RBFOX2: variants seen among roughly 807,000 people sequenced by gnomAD.
RBFOX2 encodes the protein RNA binding protein fox-1 homolog 2.
Under a neutral mutation model 49.1 loss-of-function variants are expected in RBFOX2, and 10 were observed. The ratio of observed to expected loss-of-function variants is 0.20; its 90% confidence interval spans 0.13 to 0.35. The LOEUF is 0.35. Ranked by LOEUF, RBFOX2 falls within the 10% of genes least tolerant of loss-of-function variation. RBFOX2 has a pLI of 1.00. For missense variants in RBFOX2, 323 were observed against 486.9 expected (o/e 0.66, Z 3.17); for synonymous variants, 183 against 187.4 (o/e 0.98, Z 0.19).
At chr22:35,889,836 A>C (rs2047037310) in intron 1 of RBFOX2, among the ~76,000 whole-genome samples, 2 of 152,302 alleles carry the variant, frequency 1.3e-5, no homozygotes, top group South Asian at 2.1e-4. Context: ...AAAAGCACTA[A>C]ATGACTAACG....
intron 1 of RBFOX2, among the ~76,000 whole-genome samples, chr22:35,924,368 A>G (rs112834682): frequency 1.2e-4 from 19 of 152,242 alleles, no homozygotes; most frequent in African/African-American, 4.6e-4. Flanking sequence ...TAAGGGAACA[A>G]AGATCCTAAT....
At chr22:35,965,229 A>G (rs1167017307), upstream of RBFOX2, among the ~76,000 whole-genome samples, 1 of 152,224 alleles carries the variant, frequency 6.6e-6, no homozygotes, top group Non-Finnish European at 1.5e-5. Context: ...AGGGATGGTC[A>G]TAAGACAACA....
At chr22:35,762,004 C>T (rs1395814181) in intron 6 of RBFOX2, among the ~76,000 whole-genome samples, 3 of 152,058 alleles carry the variant, frequency 2.0e-5, no homozygotes, top group Non-Finnish European at 4.4e-5. Flanking sequence ...CTCGGATTTA[C>T]CATTGGGATT....
upstream of RBFOX2, among the ~76,000 whole-genome samples, chr22:35,962,323 T>C (rs2056279062): frequency 6.6e-6 from 1 of 152,182 alleles, no homozygotes; most frequent in Non-Finnish European, 1.5e-5. Context: ...TGGGTCCAAC[T>C]TTCCATCCAA....
chr22:35,821,602 C>CAA (rs1158936385), intron 1 of RBFOX2, among the ~76,000 whole-genome samples: 1,656 of 36,450 alleles, frequency 0.045, 348 homozygotes, highest in Non-Finnish European at 0.076. Context: ...ACTCCGTCTC[C>CAA]AAAAAAAAAA....
chr22:35,806,401 C>T (rs1950743087), intron 2 of RBFOX2, among the ~76,000 whole-genome samples: 2 of 151,800 alleles, frequency 1.3e-5, no homozygotes, highest in African/African-American at 4.8e-5. Flanking sequence ...GACAATAGCA[C>T]AAAGGCGCGT....
At chr22:35,922,029 T>A (rs544129894) in intron 1 of RBFOX2, among the ~76,000 whole-genome samples, 2 of 152,120 alleles carry the variant, frequency 1.3e-5, no homozygotes, top group Non-Finnish European at 2.9e-5. Context: ...CCTAAGCCCA[T>A]ATGTAGGCAA....
chr22:35,895,301 T>A (rs2047707808), intron 1 of RBFOX2, among the ~76,000 whole-genome samples: 1 of 152,188 alleles, frequency 6.6e-6, no homozygotes. Flanking sequence ...TAGATATACA[T>A]TAGTTTAAGA....
intron 1 of RBFOX2, among the ~76,000 whole-genome samples, chr22:35,959,283 T>A (rs1464209826): frequency 6.6e-6 from 1 of 152,182 alleles, no homozygotes; most frequent in Non-Finnish European, 1.5e-5. Flanking sequence ...GCCAAATAGC[T>A]AGTAAACAGT....
chr22:35,861,122 G>A (rs371526158), intron 1 of RBFOX2, among the ~76,000 whole-genome samples: 1 of 152,132 alleles, frequency 6.6e-6, no homozygotes, highest in East Asian at 1.9e-4. Context: ...GACACAACTG[G>A]ATGAAAAGAA....
intron 4 of RBFOX2, among the ~76,000 whole-genome samples, chr22:35,773,126 A>G (rs899203896): frequency 4.6e-5 from 7 of 151,776 alleles, no homozygotes. Flanking sequence ...AAACCATTTC[A>G]CTTTGACATT....
intron 1 of RBFOX2, among the ~76,000 whole-genome samples, chr22:35,977,481 A>G (rs537599449): frequency 1.3e-5 from 2 of 152,154 alleles, no homozygotes; most frequent in African/African-American, 2.4e-5. Context: ...GATTCCATTT[A>G]TATAACATTT....
intron 1 of RBFOX2, among the ~76,000 whole-genome samples, chr22:35,952,081 G>A (rs1351744683): frequency 6.6e-6 from 1 of 152,116 alleles, no homozygotes; most frequent in Non-Finnish European, 1.5e-5. Context: ...GGGTGCTTAT[G>A]TGAACAGCCC....
chr22:35,787,647 G>A (rs1946686544), intron 2 of RBFOX2, among the ~76,000 whole-genome samples: 1 of 152,166 alleles, frequency 6.6e-6, no homozygotes, highest in Non-Finnish European at 1.5e-5. Context: ...GAGAAAAAGG[G>A]AAATAAAAGT....
chr22:35,972,335 T>C (rs1261256197), intron 1 of RBFOX2, among the ~76,000 whole-genome samples: 1 of 151,892 alleles, frequency 6.6e-6, no homozygotes, highest in Non-Finnish European at 1.5e-5. Flanking sequence ...CTGGCATAGT[T>C]CTCCTAGCAT....
chr22:35,929,350 C>T (rs1042141359), intron 1 of RBFOX2, among the ~76,000 whole-genome samples: 3 of 151,910 alleles, frequency 2.0e-5, no homozygotes, highest in Admixed American at 6.6e-5. Flanking sequence ...TCCTAGAAAT[C>T]TACCCAAGAG....
intron 1 of RBFOX2, among the ~76,000 whole-genome samples, chr22:35,917,431 A>C (rs1438236248): frequency 6.6e-6 from 1 of 152,220 alleles, no homozygotes; most frequent in Non-Finnish European, 1.5e-5. Flanking sequence ...GGGGACAGTG[A>C]AAATGCACAG....
chr22:35,969,445 G>A (rs1843348184), intron 1 of RBFOX2, among the ~76,000 whole-genome samples: 2 of 152,078 alleles, frequency 1.3e-5, no homozygotes, highest in South Asian at 2.1e-4. Flanking sequence ...GGTGACTTGC[G>A]CCTCTGTAGT....
At chr22:35,865,693 C>A (rs2043596446) in intron 1 of RBFOX2, among the ~76,000 whole-genome samples, 1 of 152,088 alleles carries the variant, frequency 6.6e-6, no homozygotes, top group Non-Finnish European at 1.5e-5. Flanking sequence ...AAACATTTAG[C>A]TGCAAATAGA....
Sources: allele counts gnomAD v4.1 joint callset (sites outside exome capture counted in the v4.1 genomes callset), GRCh38; gene constraint gnomAD v4.1.1; transcripts MANE v1.5; gene names NCBI Gene and HGNC (gene_info 2026-07-23, HGNC 2026-07-21).